The following PIKFYVE variants were observed in gnomAD, a reference collection of about 807,000 sequenced individuals.
The protein encoded by PIKFYVE is phosphoinositide kinase, FYVE-type zinc finger containing, also known as 1-phosphatidylinositol 3-phosphate 5-kinase.
PIKFYVE carries 122 observed loss-of-function variants against 257.9 expected under a neutral mutation model. That is an observed-to-expected ratio of 0.47 (90% CI 0.41 to 0.55). The LOEUF (loss-of-function observed/expected upper bound fraction) is 0.55, where lower values mean the gene tolerates loss of function less well. PIKFYVE is among the 20% of genes least tolerant of loss of function. PIKFYVE has a pLI of 0.00. For synonymous variants in PIKFYVE, 892 were observed against 868.9 expected (o/e 1.03, Z -0.47); for missense variants, 2,160 against 2,536.6 (o/e 0.85, Z 3.19).
intron 38 of PIKFYVE, among the ~76,000 whole-genome samples, chr2:208,352,222 C>T (rs1008819908): frequency 6.6e-6 from 1 of 152,138 alleles, no homozygotes; most frequent in African/African-American, 2.4e-5. Context: ...CAAGGGGATG[C>T]TTCCTTTAGC....
intron 36 of PIKFYVE, among the ~76,000 whole-genome samples, 161 bp downstream of exon 36, chr2:208,350,244 T>G (rs1415372222): frequency 6.6e-6 from 1 of 152,100 alleles, no homozygotes; most frequent in Non-Finnish European, 1.5e-5. Flanking sequence ...CAACAGTTTA[T>G]AAAATATAAA....
intron 17 of PIKFYVE, among the ~76,000 whole-genome samples, chr2:208,322,240 G>A (rs1004853076): frequency 1.3e-5 from 2 of 151,800 alleles, no homozygotes; most frequent in African/African-American, 4.8e-5. Context: ...AATTAGGCAG[G>A]CATGGTGATG....
intron 1 of PIKFYVE, among the ~76,000 whole-genome samples, chr2:208,268,423 CTTTT>C (rs35632672): frequency 3.8e-5 from 3 of 78,692 alleles, no homozygotes; most frequent in Non-Finnish European, 7.5e-5. Flanking sequence ...CTCCAGAGCT[CTTTT>C]TTTTTTTTTT....
At chr2:208,351,298 T>C in intron 37 of PIKFYVE, 54 bp from the exon 38 acceptor site, 2 of 1,260,600 alleles carry the variant, frequency 1.6e-6, no homozygotes, top group Non-Finnish European at 2.3e-6. Context: ...TGATGTGTTA[T>C]AGATTACAGT....
chr2:208,351,247 T>G lies in PIKFYVE; in HGVS notation c.5612-105T>G, dbSNP rs41311311. On this transcript the variant is annotated intron_variant, in intron 37 of 41. Coordinates refer to ENST00000264380, the MANE Select transcript of PIKFYVE (RefSeq NM_015040.4). Reference sequence around the variant, plus strand: ...TCACTGTGACATTAGAAAATTCCCCTTAAAATCATAAAACAACCTAATCAT... The same window carrying G: ...TCACTGTGACATTAGAAAATTCCCCGTAAAATCATAAAACAACCTAATCAT... 2.7e-4 allele frequency: 284 copies of G among 1,057,996 alleles called. 1 individual carries two copies. The highest frequency in any genetic ancestry group is 3.2e-4 in the Non-Finnish European group (225 of 699,980). 65.5% of individuals were successfully genotyped at this position (1,057,996 alleles called of 1,614,324 possible).
intron 6 of PIKFYVE, 49 bp from the exon 7 acceptor site, chr2:208,288,680 C>T (rs1202405269): frequency 1.2e-6 from 2 of 1,609,566 alleles, no homozygotes; most frequent in East Asian, 2.2e-5. Context: ...CATTGAAATT[C>T]CCTTTTACTG....
chr2:208,345,706 GA>G (rs1313940765), intron 33 of PIKFYVE, among the ~76,000 whole-genome samples: 4 of 152,074 alleles, frequency 2.6e-5, no homozygotes, highest in Middle Eastern at 3.2e-3. Flanking sequence ...AGTTTTATCT[GA>G]ATTGTCATTG....
chr2:208,279,176 T>C (rs184817775), intron 5 of PIKFYVE, among the ~76,000 whole-genome samples: 2 of 152,344 alleles, frequency 1.3e-5, no homozygotes, highest in Admixed American at 1.3e-4. Flanking sequence ...CATTTTTTCA[T>C]GTTTGTTGGC....
rs35944808 is a variant in PIKFYVE, at chr2:208,335,378, A to G, written c.4215A>G (p.Leu1405=). The change falls in exon 25 of 42, where the codon TTA becomes TTG. Residue 1405 remains leucine (L), a synonymous_variant. Coordinates refer to ENST00000264380, the MANE Select transcript of PIKFYVE (RefSeq NM_015040.4). ...PKIFIKRQAP[L]KVSLLQDLKD... Reference sequence around the variant, plus strand: ...TATTCATTAAGCGTCAGGCCCCATTAAAAGTGTCCCTTCTTCAGGATCTGA... The same window carrying G: ...TATTCATTAAGCGTCAGGCCCCATTGAAAGTGTCCCTTCTTCAGGATCTGA... 7,856 of 1,612,224 alleles carry G rather than the reference A, an allele frequency of 4.9e-3. 33 individuals carry two copies. Among genetic ancestry groups the G allele is most frequent in the Non-Finnish European group, 5.9e-3 (7,004 of 1,178,396 alleles).
intron 7 of PIKFYVE, among the ~76,000 whole-genome samples, 199 bp downstream of exon 7, chr2:208,289,017 G>A (rs1468396520): frequency 1.3e-5 from 2 of 152,174 alleles, no homozygotes; most frequent in African/African-American, 4.8e-5. Flanking sequence ...TTCTCCAGTG[G>A]CTTCCGGGTT....
In PIKFYVE at chr2:208,358,682, C is replaced by T. The variant is rs1217330984; in HGVS notation, c.*3377C>T. On this transcript the variant is annotated 3_prime_UTR_variant, in exon 42 of 42. Coordinates refer to ENST00000264380, the MANE Select transcript of PIKFYVE (RefSeq NM_015040.4). ...GACATGTTATTTAAAAGATAACTGC[C>T]TTGAACTTTTGGAGACTTGTACTGT... The T allele has an allele frequency of 6.6e-6, 1 of 152,512 alleles. No individual in the cohort carries two copies. The highest frequency in any genetic ancestry group is 1.5e-5 in the Non-Finnish European group (1 of 68,016). 9.4% of individuals were successfully genotyped at this position (152,512 alleles called of 1,614,324 possible). A position where few individuals can be genotyped will look rare whatever the true frequency, so the allele number is the denominator to read the frequency against.
chr2:208,316,991 A>G (rs1287608676), intron 15 of PIKFYVE, among the ~76,000 whole-genome samples: 1 of 152,066 alleles, frequency 6.6e-6, no homozygotes, highest in Non-Finnish European at 1.5e-5. Context: ...TTCAAGATGG[A>G]TTAAAGACTT....
chr2:208,342,487 G>T, intron 31 of PIKFYVE, 67 bp from the exon 32 acceptor site: 2 of 1,200,604 alleles, frequency 1.7e-6, no homozygotes, highest in East Asian at 2.4e-5. Context: ...ATACATTTTG[G>T]CTTTCTTAAT....
chr2:208,346,121 G>A lies in PIKFYVE; in HGVS notation c.5183G>A (p.Arg1728His), dbSNP rs371097164. The change falls in exon 34 of 42, where the codon CGT (arginine) becomes CAT (histidine). Residue 1728 changes from arginine (R) to histidine (H), a missense_variant. Around this residue, in one of 12 missense-constraint regions of PIKFYVE, gnomAD observed 699 missense variants for 855.8 expected, o/e 0.82. Transcript: ENST00000264380. ...LPEMSGGQTN[R>H]TTETEPQPTK... ...GAAATGAGTGGAGGACAGACAAATC[G>A]TACAACAGAAACAGAACCACAACCA... 41 of 1,612,296 alleles carry A rather than the reference G, an allele frequency of 2.5e-5. No homozygotes were observed. In the African/African-American group the frequency reaches 4.4e-4, roughly 17 times the overall value.
intron 15 of PIKFYVE, among the ~76,000 whole-genome samples, chr2:208,317,428 C>T (rs896378219): frequency 4.0e-5 from 1 of 24,768 alleles, no homozygotes; most frequent in Non-Finnish European, 1.7e-4. Context: ...AACCACAATG[C>T]GATTTTTTTT....
At chr2:208,342,890 G>A (rs888757497) in intron 32 of PIKFYVE, among the ~76,000 whole-genome samples, 1 of 150,554 alleles carries the variant, frequency 6.6e-6, no homozygotes, top group Non-Finnish European at 1.5e-5. Flanking sequence ...TGCCTCCTGG[G>A]TTCAAGCAGT....
chr2:208,266,782 G>A (rs558129567), intron 1 of PIKFYVE, among the ~76,000 whole-genome samples: 1 of 152,346 alleles, frequency 6.6e-6, no homozygotes, highest in Admixed American at 6.5e-5. Flanking sequence ...GTTTGTCAGA[G>A]GCGCATCCGT....
At chr2:208,308,932 T>C (rs1339453830) in intron 12 of PIKFYVE, among the ~76,000 whole-genome samples, 1 of 152,210 alleles carries the variant, frequency 6.6e-6, no homozygotes, top group Non-Finnish European at 1.5e-5. Context: ...GGTCTCTAAC[T>C]CCTGATCTCA....
At chr2:208,295,638 A>G (rs1245372708) in intron 7 of PIKFYVE, among the ~76,000 whole-genome samples, 1 of 152,208 alleles carries the variant, frequency 6.6e-6, no homozygotes, top group Non-Finnish European at 1.5e-5. Flanking sequence ...GTAATACTCC[A>G]TGAGTGCTAC....
Sources: gnomAD v4.1 joint callset for allele counts (sites outside exome capture counted in the v4.1 genomes callset) on GRCh38, gnomAD v4.1.1 for gene constraint, gnomAD v4.1.1 regional missense constraint, MANE v1.5 for transcripts, NCBI Gene and HGNC (gene_info 2026-07-23, HGNC 2026-07-21) for gene names.